GMDS: variants seen among roughly 807,000 people sequenced by gnomAD.
GMDS encodes GDP-mannose 4,6 dehydratase.
A neutral mutation model predicts 49.9 loss-of-function variants in GMDS; 20 were observed. The observed-to-expected ratio is 0.40, with a 90% CI of 0.28 to 0.58. The LOEUF (loss-of-function observed/expected upper bound fraction) is 0.58, where lower values mean the gene tolerates loss of function less well. Ranked by LOEUF, GMDS falls within the 20% of genes least tolerant of loss-of-function variation. GMDS has a pLI of 0.42. For missense variants in GMDS, 362 were observed against 481.4 expected (o/e 0.75, Z 2.32); for synonymous variants, 177 against 178.6 (o/e 0.99, Z 0.07).
chr6:1,975,065 A>G (rs1454434794), intron 4 of GMDS, among the ~76,000 whole-genome samples: 1 of 151,878 alleles, frequency 6.6e-6, no homozygotes, highest in Non-Finnish European at 1.5e-5. Context: ...AAACAGGGTA[A>G]CCAATGGTCA....
intron 7 of GMDS, among the ~76,000 whole-genome samples, chr6:1,926,121 C>T (rs762721763): frequency 8.5e-5 from 13 of 152,296 alleles, no homozygotes; most frequent in Non-Finnish European, 1.3e-4. Flanking sequence ...CTGAGAGCTA[C>T]TTCCACTCAA....
chr6:1,635,884 T>C lies in GMDS; in HGVS notation c.988-11344A>G, dbSNP rs951493779. 6.6e-6 allele frequency among the ~76,000 whole-genome samples: 1 copy of C among 152,202 alleles called. No homozygotes were observed. Among genetic ancestry groups the C allele is most frequent in the African/African-American group, 2.4e-5 (1 of 41,438 alleles). ...CACCTCCAGCACTGCGTCTGGGAGC[T>C]GCTCTTCTCTGCTCTCAGCTGGGGC... is the stretch of plus-strand genomic sequence containing the variant. On this transcript the variant is annotated intron_variant, in intron 9 of 10. Coordinates refer to ENST00000380815, the MANE Select transcript of GMDS (RefSeq NM_001500.4). The surrounding 1 kb of genome is among the most constrained non-coding windows in gnomAD (Gnocchi z 4.7).
intron 9 of GMDS, among the ~76,000 whole-genome samples, chr6:1,631,133 C>A (rs1158836485): frequency 6.6e-6 from 1 of 152,190 alleles, no homozygotes; most frequent in Non-Finnish European, 1.5e-5. Context: ...TGGCAAGTGG[C>A]ACCCTGGATA....
At chr6:1,852,501 G>A (rs1172208902) in intron 7 of GMDS, among the ~76,000 whole-genome samples, 2 of 152,166 alleles carry the variant, frequency 1.3e-5, no homozygotes, top group Admixed American at 6.5e-5. Context: ...GAGAGCAAAC[G>A]AGTTTAACAG....
intron 7 of GMDS, among the ~76,000 whole-genome samples, chr6:1,921,984 C>T (rs1282804479): frequency 6.6e-6 from 1 of 152,094 alleles, no homozygotes; most frequent in Non-Finnish European, 1.5e-5. Context: ...AGTGAGGAGG[C>T]CACTGACATA....
intron 7 of GMDS, among the ~76,000 whole-genome samples, chr6:1,811,096 G>C (rs886430051): frequency 3.3e-5 from 5 of 152,100 alleles, no homozygotes; most frequent in African/African-American, 1.2e-4. Context: ...TGTGTTTAGA[G>C]GAAAGACTTT....
chr6:2,061,184 C>T (rs1036956710), intron 4 of GMDS, among the ~76,000 whole-genome samples: 1 of 151,982 alleles, frequency 6.6e-6, no homozygotes, highest in Non-Finnish European at 1.5e-5. Context: ...AGGAAAAGGA[C>T]GGGAAACGAA....
intron 1 of GMDS, among the ~76,000 whole-genome samples, chr6:2,245,067 G>C (rs777328844): frequency 3.9e-5 from 6 of 152,224 alleles, no homozygotes; most frequent in Admixed American, 3.9e-4. Flanking sequence ...GCCCGGGTGT[G>C]AGCGCGACAT....
chr6:1,984,721 C>T (rs950388892), intron 4 of GMDS, among the ~76,000 whole-genome samples: 2 of 152,158 alleles, frequency 1.3e-5, no homozygotes, highest in Admixed American at 1.3e-4. Context: ...CAGGTCACAC[C>T]CTTCTAAAGT....
intron 1 of GMDS, among the ~76,000 whole-genome samples, chr6:2,134,014 G>C (rs1270060344): frequency 6.6e-6 from 1 of 152,120 alleles, no homozygotes; most frequent in East Asian, 1.9e-4. Flanking sequence ...TTTCGGTTCT[G>C]CCACCCAAAG....
chr6:1,940,255 C>T (rs530758525), intron 6 of GMDS, among the ~76,000 whole-genome samples: 9 of 152,336 alleles, frequency 5.9e-5, no homozygotes, highest in African/African-American at 2.2e-4. Context: ...CAAAATTTGT[C>T]TAATAAAAAT....
chr6:2,105,638 T>G (rs554036183), intron 4 of GMDS, among the ~76,000 whole-genome samples: 64 of 152,358 alleles, frequency 4.2e-4, no homozygotes, highest in African/African-American at 1.5e-3. Context: ...TCTTGAAGAA[T>G]GTCCTAAAAG....
intron 4 of GMDS, among the ~76,000 whole-genome samples, chr6:2,108,580 A>G (rs1016553407): frequency 6.6e-6 from 1 of 152,180 alleles, no homozygotes. Flanking sequence ...GGTATTAATT[A>G]AAACCAGTTC....
chr6:1,836,708 C>T lies in GMDS; in HGVS notation c.771+93395G>A, dbSNP rs114783879. ...TCTTCACTGAATTTCGTATGGTTTC[C>T]CCTCTTCTTCTTATAAAACTCTATG... On this transcript the variant is annotated intron_variant, in intron 7 of 10. Coordinates refer to ENST00000380815, the MANE Select transcript of GMDS (RefSeq NM_001500.4). This position sits in a 1 kb window ranked among gnomAD's most constrained non-coding sequence, Gnocchi z 4.2. Among the ~76,000 whole-genome samples, 610 of 152,258 alleles carry T rather than the reference C, an allele frequency of 4.0e-3. 5 individuals carry two copies. Among genetic ancestry groups the T allele is most frequent in the African/African-American group, 0.013 (555 of 41,562 alleles).
intron 9 of GMDS, among the ~76,000 whole-genome samples, chr6:1,686,853 T>C (rs1254007491): frequency 6.6e-6 from 1 of 152,208 alleles, no homozygotes; most frequent in Non-Finnish European, 1.5e-5. Flanking sequence ...CTAAACAAAC[T>C]AATGTGTTAT....
At chr6:2,003,337 C>G (rs902044420) in intron 4 of GMDS, among the ~76,000 whole-genome samples, 1 of 152,046 alleles carries the variant, frequency 6.6e-6, no homozygotes, top group African/African-American at 2.4e-5. Context: ...GGAGAGACCA[C>G]GTATTTCAAT....
At chr6:1,853,182 C>T (rs1390059489) in intron 7 of GMDS, among the ~76,000 whole-genome samples, 1 of 151,972 alleles carries the variant, frequency 6.6e-6, no homozygotes, top group Non-Finnish European at 1.5e-5. Context: ...ACTGCCAACA[C>T]AAGACACAAA....
intron 7 of GMDS, among the ~76,000 whole-genome samples, chr6:1,771,999 G>A (rs1199796980): frequency 6.7e-6 from 1 of 150,356 alleles, no homozygotes; most frequent in Non-Finnish European, 1.5e-5. Flanking sequence ...ATTTCCAACA[G>A]CAATAGAAAG....
intron 7 of GMDS, among the ~76,000 whole-genome samples, chr6:1,755,041 G>T (rs1430779549): frequency 1.3e-5 from 2 of 152,158 alleles, no homozygotes; most frequent in African/African-American, 4.8e-5. Flanking sequence ...AGGGCAATCA[G>T]GCAAGAGAAA....
Sources: gnomAD v4.1 joint callset for allele counts (sites outside exome capture counted in the v4.1 genomes callset) on GRCh38, gnomAD v4.1.1 for gene constraint, Gnocchi (gnomAD v3.1) non-coding constraint, MANE v1.5 for transcripts, NCBI Gene and HGNC (gene_info 2026-07-23, HGNC 2026-07-21) for gene names.